The following GSTK1 variants were observed in gnomAD, a reference collection of about 807,000 sequenced individuals.
GSTK1 encodes the protein glutathione S-transferase kappa 1.
Under a neutral mutation model 30.9 loss-of-function variants are expected in GSTK1, and 25 were observed. That is an observed-to-expected ratio of 0.81 (90% CI 0.59 to 1.13). GSTK1 has a LOEUF of 1.13. Among genes scored for constraint, GSTK1 ranks in the 50% most tolerant of loss-of-function variants. GSTK1 has a pLI of 0.00. For missense variants in GSTK1, 292 were observed against 292.4 expected, an observed-to-expected ratio of 1.00 and a Z score of 0.01; for synonymous variants, 108 against 112.5, an observed-to-expected ratio of 0.96 and a Z score of 0.25.
chr7:143,266,596 T>A (rs1800884275), intron 5 of GSTK1, among the ~76,000 whole-genome samples: 1 of 151,508 alleles, frequency 6.6e-6, no homozygotes, highest in Admixed American at 6.6e-5. Context: ...ACCTTGGCGC[T>A]AACCCTTTCC....
intron 3 of GSTK1, 99 bp from the exon 4 acceptor site, chr7:143,264,893 G>A: frequency 7.3e-7 from 1 of 1,367,828 alleles, no homozygotes; most frequent in Non-Finnish European, 1.0e-6. Context: ...GAGGCTGAGG[G>A]CGGAGGAGCT....
intron 2 of GSTK1, 100 bp from the exon 3 acceptor site, chr7:143,264,448 A>G: frequency 1.6e-6 from 2 of 1,254,390 alleles, no homozygotes; most frequent in South Asian, 2.7e-5. Flanking sequence ...ACAAGAGAAA[A>G]AAAAGGAAGC....
At chr7:143,267,335 T>A (rs1413432434) in intron 5 of GSTK1, among the ~76,000 whole-genome samples, 1 of 152,184 alleles carries the variant, frequency 6.6e-6, no homozygotes, top group African/African-American at 2.4e-5. Context: ...GGCTCTTCAT[T>A]TGTGAAATAA....
At position 143,268,052 on chromosome 7, in the gene GSTK1, C is replaced by T. The variant is rs937967686; in HGVS notation, c.538-39C>T. On this transcript the variant is annotated intron_variant, in intron 6 of 7. Coordinates refer to ENST00000358406, the MANE Select transcript of GSTK1 (RefSeq NM_015917.3). This position sits in a 1 kb window ranked among gnomAD's most constrained non-coding sequence, Gnocchi z 4.1. ...TTTCAACCCCTGCCTAATACCTGCT[C>T]CTTTGCCTTCCTCCTTGCATTGTAA... is the stretch of plus-strand genomic sequence containing the variant. 2.0e-6 allele frequency: 3 copies of T among 1,501,564 alleles called. No individual in the cohort carries two copies. The highest frequency in any genetic ancestry group is 2.8e-6 in the Non-Finnish European group (3 of 1,084,386). 93.0% of individuals were successfully genotyped at this position (1,501,564 alleles called of 1,614,324 possible).
chr7:143,268,635 G>A lies in GSTK1; in HGVS notation c.632-153G>A, dbSNP rs1800950751. On this transcript the variant is annotated intron_variant, in intron 7 of 7. Transcript: ENST00000358406. The surrounding 1 kb of genome is among the most constrained non-coding windows in gnomAD (Gnocchi z 4.1). ...GCTGTTCAAGGTTGAGTGGGCAGGG[G>A]CTGTCTTCAACCCCATAAAAGAAAA... 6.6e-6 allele frequency among the ~76,000 whole-genome samples: 1 copy of A among 152,130 alleles called. No individual in the cohort carries two copies. The highest frequency in any genetic ancestry group is 6.5e-5 in the Admixed American group (1 of 15,280).
intron 4 of GSTK1, 68 bp from the exon 5 acceptor site, chr7:143,265,193 G>C (rs1327373033): frequency 3.1e-6 from 5 of 1,606,806 alleles, no homozygotes; most frequent in Non-Finnish European, 1.7e-6. Flanking sequence ...CCGCCCGGGG[G>C]ATCTACTGTC....
At chr7:143,266,653 C>CTTTTTTTTTTTTTTTTT (rs35527374) in intron 5 of GSTK1, among the ~76,000 whole-genome samples, 60 of 63,320 alleles carry the variant, frequency 9.5e-4, no homozygotes, top group East Asian at 1.5e-3. Context: ...TTCTTTCTTT[C>CTTTTTTTTTTTTTTTTT]TTTTTTTTTT....
rs1219929816 is a variant in GSTK1 at position 143,264,183 on chromosome 7, C to G, written c.154+16C>G. 6.2e-7 allele frequency: 1 copy of G among 1,607,100 alleles called. No homozygotes were observed. Among genetic ancestry groups the G allele is most frequent in the Admixed American group, 1.7e-5 (1 of 59,960 alleles). On this transcript the variant is annotated intron_variant, in intron 2 of 7. Coordinates refer to ENST00000358406, the MANE Select transcript of GSTK1 (RefSeq NM_015917.3). ...AAAGACAGTGGTAGGAAGGGAGGGTCGGGGCAGGGGTGATCTCAGTGGCCC... is the reference window on the plus strand; with the variant it reads ...AAAGACAGTGGTAGGAAGGGAGGGTGGGGGCAGGGGTGATCTCAGTGGCCC...
At chr7:143,263,993 C>A in intron 1 of GSTK1, 93 bp from the exon 2 acceptor site, 1 of 1,091,028 alleles carries the variant, frequency 9.2e-7, no homozygotes, top group East Asian at 2.4e-5. Flanking sequence ...CGCATAACCC[C>A]TGCTCTGCAC....
chr7:143,264,828 G>T, intron 3 of GSTK1, 152 bp downstream of exon 3: 5 of 1,305,208 alleles, frequency 3.8e-6, no homozygotes, highest in Non-Finnish European at 5.4e-6. Flanking sequence ...GCTGAAGGTT[G>T]CCGGGCATGA....
intron 5 of GSTK1, among the ~76,000 whole-genome samples, chr7:143,267,184 A>G (rs1444529934): frequency 6.6e-6 from 1 of 152,202 alleles, no homozygotes; most frequent in Non-Finnish European, 1.5e-5. Flanking sequence ...GATTCAAAAA[A>G]AGCATGAGAT....
At chr7:143,264,738 G>A in intron 3 of GSTK1, 62 bp downstream of exon 3, 1 of 1,594,422 alleles carries the variant, frequency 6.3e-7, no homozygotes, top group Non-Finnish European at 8.6e-7. Flanking sequence ...GAGATTGAGG[G>A]ATTGATAGGA....
Position 143,264,082 on chromosome 7 carries a change from GC to G in GSTK1, c.73-3del. 1 of 1,613,512 alleles carries G rather than the reference GC, an allele frequency of 6.2e-7. No homozygotes were observed. The highest frequency in any genetic ancestry group is 8.5e-7 in the Non-Finnish European group (1 of 1,179,600). ...TGGCAATCGTTCTTGACCTCTGCCC[GC>G]AGATCCTGTGCCGGTATCAGAATAT... On this transcript the variant is annotated splice_polypyrimidine_tract_variant and splice_region_variant and intron_variant, in intron 1 of 7. Transcript: ENST00000358406.
chr7:143,264,170 A>G lies in GSTK1; in HGVS notation c.154+3A>G, dbSNP rs201749258. ...AACAGGGATCATGAAAGACAGTGGT[A>G]GGAAGGGAGGGTCGGGGCAGGGGTG... On this transcript the variant is annotated splice_donor_region_variant and intron_variant, in intron 2 of 7. Coordinates refer to ENST00000358406, the MANE Select transcript of GSTK1 (RefSeq NM_015917.3). 4.0e-5 allele frequency: 64 copies of G among 1,612,268 alleles called. No homozygotes were observed. The highest frequency in any genetic ancestry group is 4.9e-5 in the Non-Finnish European group (58 of 1,178,444).
At chr7:143,263,660 G>C (rs1800779034) in intron 1 of GSTK1, 75 bp downstream of exon 1, 7 of 1,393,420 alleles carry the variant, frequency 5.0e-6, no homozygotes, top group Non-Finnish European at 6.0e-6. Context: ...AGGGCTCCGG[G>C]ACAGAGGTCT....
rs994986502 is a variant in GSTK1 at position 143,268,561 on chromosome 7, CA to C, written c.632-220del. Among the ~76,000 whole-genome samples, 7 of 152,082 alleles carry C rather than the reference CA, an allele frequency of 4.6e-5. 1 individual carries two copies. Among genetic ancestry groups the C allele is most frequent in the Non-Finnish European group, 8.8e-5 (6 of 68,012 alleles). On this transcript the variant is annotated intron_variant, in intron 7 of 7. Coordinates refer to ENST00000358406, the MANE Select transcript of GSTK1 (RefSeq NM_015917.3). This position sits in a 1 kb window ranked among gnomAD's most constrained non-coding sequence, Gnocchi z 4.1. ...GTTGACCAGAAGGAGGGGCTCAGAG[CA>C]AAAAAATATTCTTGGCACTTCCAGT... is the stretch of plus-strand genomic sequence containing the variant.
In GSTK1 at chr7:143,265,275, C is replaced by T. The variant is rs767864250; in HGVS notation, c.399C>T (p.Thr133=). 7 of 1,602,710 alleles carry T rather than the reference C, an allele frequency of 4.4e-6. No homozygotes were observed. In the East Asian group the frequency reaches 1.6e-4, roughly 36 times the overall value. ...MRVWSRNEDI[T]EPQSILAAAE... Reference sequence around the variant, plus strand: ...CTTCTTCCCAGAATGAAGACATCACCGAGCCGCAGAGCATCCTGGCGGTGA... The same window carrying T: ...CTTCTTCCCAGAATGAAGACATCACTGAGCCGCAGAGCATCCTGGCGGTGA... Residue 133 remains threonine (T), a synonymous_variant, in exon 5 of 8, where the codon ACC becomes ACT. Transcript: ENST00000358406.
chr7:143,264,073 C>T lies in GSTK1; in HGVS notation c.73-13C>T. 6.2e-7 allele frequency: 1 copy of T among 1,613,516 alleles called. No homozygotes were observed. Among genetic ancestry groups the T allele is most frequent in the Non-Finnish European group, 8.5e-7 (1 of 1,179,424 alleles). ...CTTGCACACTGGCAATCGTTCTTGA[C>T]CTCTGCCCGCAGATCCTGTGCCGGT... is the stretch of plus-strand genomic sequence containing the variant. On this transcript the variant is annotated splice_polypyrimidine_tract_variant and intron_variant, in intron 1 of 7. Coordinates refer to ENST00000358406, the MANE Select transcript of GSTK1 (RefSeq NM_015917.3).
chr7:143,267,785 T>C (rs987658399), intron 6 of GSTK1, 52 bp downstream of exon 6: 2 of 1,278,530 alleles, frequency 1.6e-6, no homozygotes, highest in Non-Finnish European at 2.3e-6. Context: ...GATGGAGACT[T>C]GAGAATCTCT....
Sources: gnomAD v4.1 joint callset for allele counts (sites outside exome capture counted in the v4.1 genomes callset) on GRCh38, gnomAD v4.1.1 for gene constraint, Gnocchi (gnomAD v3.1) non-coding constraint, MANE v1.5 for transcripts, NCBI Gene and HGNC (gene_info 2026-07-23, HGNC 2026-07-21) for gene names.